RALA: variants seen among roughly 807,000 people sequenced by gnomAD.
RALA encodes RAS like proto-oncogene A.
RALA carries 5 observed loss-of-function variants against 24.0 expected under a neutral mutation model. That is an observed-to-expected ratio of 0.21 (90% confidence interval 0.11 to 0.44). The LOEUF (loss-of-function observed/expected upper bound fraction) is 0.44. RALA is among the 20% of genes least tolerant of loss of function. The probability of loss-of-function intolerance (pLI) is 0.99; values close to 1 mark genes in which losing one functional copy is unlikely to be tolerated. For missense variants in RALA, 95 were observed against 241.2 expected, an observed-to-expected ratio of 0.39 and a Z score of 4.01; for synonymous variants, 77 against 83.8, an observed-to-expected ratio of 0.92 and a Z score of 0.44.
At chr7:39,705,882 G>GT (rs1720865354) in intron 4 of RALA, among the ~76,000 whole-genome samples, 1 of 151,962 alleles carries the variant, frequency 6.6e-6, no homozygotes, top group South Asian at 2.1e-4. Context: ...GAAAGATCAG[G>GT]TTTTATTACA....
At chr7:39,639,886 T>G (rs1791750865) in intron 1 of RALA, among the ~76,000 whole-genome samples, 1 of 152,190 alleles carries the variant, frequency 6.6e-6, no homozygotes, top group East Asian at 1.9e-4. Context: ...TGTGAACCTC[T>G]TATGCACATC....
intron 1 of RALA, among the ~76,000 whole-genome samples, chr7:39,675,979 G>A (rs1273158608): frequency 2.0e-5 from 3 of 151,872 alleles, no homozygotes; most frequent in African/African-American, 4.8e-5. Flanking sequence ...ATGATCATAA[G>A]TCTTTTTATT....
chr7:39,669,594 T>C (rs921853163), intron 1 of RALA, among the ~76,000 whole-genome samples: 1 of 152,102 alleles, frequency 6.6e-6, no homozygotes, highest in Non-Finnish European at 1.5e-5. Flanking sequence ...AGAAGTTCAC[T>C]TGAGGCCAGG....
rs1259691046 is a variant in RALA, at chr7:39,682,645, CT to C, written c.-37-3977del. 4.0e-5 allele frequency among the ~76,000 whole-genome samples: 6 copies of C among 151,840 alleles called. No homozygotes were observed. In the East Asian group the frequency reaches 7.7e-4, roughly 20 times the overall value. ...GTCCTGCAAATTTCATGTGTTGGCACTTTTTTTTTCTTTCTAAGACGGAGTC... is the reference window on the plus strand; with the variant it reads ...GTCCTGCAAATTTCATGTGTTGGCACTTTTTTTTCTTTCTAAGACGGAGTC... On this transcript the variant is annotated intron_variant, in intron 1 of 4. Transcript: ENST00000005257.
At chr7:39,700,010 A>G (rs1287278259) in intron 4 of RALA, among the ~76,000 whole-genome samples, 2 of 152,054 alleles carry the variant, frequency 1.3e-5, no homozygotes, top group Admixed American at 1.3e-4. Flanking sequence ...TTTTGCATCC[A>G]TGTGTTCTGC....
intron 1 of RALA, among the ~76,000 whole-genome samples, chr7:39,629,170 G>A (rs1791548970): frequency 6.6e-6 from 1 of 152,166 alleles, no homozygotes; most frequent in Admixed American, 6.5e-5. Context: ...TCCTCATCCT[G>A]TGGGGTTATA....
intron 1 of RALA, among the ~76,000 whole-genome samples, chr7:39,636,375 T>G (rs1245791103): frequency 3.9e-5 from 6 of 152,216 alleles, no homozygotes; most frequent in African/African-American, 1.4e-4. Flanking sequence ...CAGTTGTTAT[T>G]GTCTTATCTT....
chr7:39,664,429 G>C (rs1792250925), intron 1 of RALA, among the ~76,000 whole-genome samples: 1 of 152,130 alleles, frequency 6.6e-6, no homozygotes, highest in Non-Finnish European at 1.5e-5. Flanking sequence ...TTTGATATTG[G>C]ATAATGCCCC....
intron 1 of RALA, among the ~76,000 whole-genome samples, chr7:39,649,237 T>C (rs1373718564): frequency 6.6e-6 from 1 of 152,156 alleles, no homozygotes; most frequent in Non-Finnish European, 1.5e-5. Context: ...ACAACTAGTT[T>C]TATGTGTTAA....
chr7:39,672,461 C>T (rs1792405784), intron 1 of RALA, among the ~76,000 whole-genome samples: 1 of 152,104 alleles, frequency 6.6e-6, no homozygotes, highest in Non-Finnish European at 1.5e-5. Context: ...AAAGGTACAG[C>T]CACTTTGAAA....
At chr7:39,694,715 A>C (rs1583756014) in intron 3 of RALA, among the ~76,000 whole-genome samples, 1 of 152,034 alleles carries the variant, frequency 6.6e-6, no homozygotes, top group African/African-American at 2.4e-5. Flanking sequence ...AAAATAAGGC[A>C]AGAAGATTTT....
chr7:39,643,582 G>A (rs750257735), intron 1 of RALA, among the ~76,000 whole-genome samples: 5 of 152,166 alleles, frequency 3.3e-5, no homozygotes, highest in Admixed American at 6.5e-5. Context: ...TTAGCCAGGC[G>A]TGGTGGCTTA....
In RALA at chr7:39,706,437, A is replaced by G. The variant is rs1269933139; in HGVS notation, c.*192A>G. The G allele has an allele frequency of 1.5e-5, 8 of 541,826 alleles. No homozygotes were observed. The Admixed American group carries it at 3.1e-4, about 21-fold the overall frequency. 33.6% of individuals were successfully genotyped at this position (541,826 alleles called of 1,614,324 possible). A position where few individuals can be genotyped will look rare whatever the true frequency, so the allele number is the denominator to read the frequency against. Reference sequence around the variant, plus strand: ...AGAAATTAATATGGCTTCACCAAGAAGCAAAGTTCAACTTATTTCATAATT... The same window carrying G: ...AGAAATTAATATGGCTTCACCAAGAGGCAAAGTTCAACTTATTTCATAATT... On this transcript the variant is annotated 3_prime_UTR_variant, in exon 5 of 5. Coordinates refer to ENST00000005257, the MANE Select transcript of RALA (RefSeq NM_005402.4).
In RALA at chr7:39,705,497, G is replaced by A. The variant is rs991748605; in HGVS notation, c.499-626G>A. Reference sequence around the variant, plus strand: ...GAATTTCTTATTGAAATTTAACTTTGAATTGTTATACTCGTAATTTTCTTA... The same window carrying A: ...GAATTTCTTATTGAAATTTAACTTTAAATTGTTATACTCGTAATTTTCTTA... On this transcript the variant is annotated intron_variant, in intron 4 of 4. Coordinates refer to ENST00000005257, the MANE Select transcript of RALA (RefSeq NM_005402.4). Among the ~76,000 whole-genome samples the A allele has an allele frequency of 6.6e-5, 10 of 152,006 alleles. 1 individual carries two copies. The highest frequency in any genetic ancestry group is 1.5e-4 in the Non-Finnish European group (10 of 68,004).
Position 39,675,052 on chromosome 7 carries a change from C to T in RALA, c.-37-11579C>T, listed in dbSNP as rs143950168. 6.2e-3 allele frequency among the ~76,000 whole-genome samples: 945 copies of T among 152,264 alleles called. 8 individuals carry two copies. Among genetic ancestry groups the T allele is most frequent in the African/African-American group, 0.022 (905 of 41,542 alleles). ...TTTTGGCCAGGCTGCTCTCAAACTC[C>T]TTACCTCAGGTGCTCTGGCTGCCTT... On this transcript the variant is annotated intron_variant, in intron 1 of 4. Coordinates refer to ENST00000005257, the MANE Select transcript of RALA (RefSeq NM_005402.4).
intron 1 of RALA, among the ~76,000 whole-genome samples, chr7:39,656,030 GGC>G: frequency 2.0e-5 from 3 of 152,180 alleles, no homozygotes; most frequent in African/African-American, 7.2e-5. Flanking sequence ...TAAAAAGGCA[GGC>G]AGTATTTATC....
intron 1 of RALA, among the ~76,000 whole-genome samples, chr7:39,656,341 T>C (rs989402997): frequency 2.0e-5 from 3 of 152,226 alleles, no homozygotes; most frequent in Non-Finnish European, 2.9e-5. Flanking sequence ...TTTCTCAATT[T>C]AAAATCCTAT....
At chr7:39,626,283 C>T (rs1224494025) in intron 1 of RALA, among the ~76,000 whole-genome samples, 1 of 152,248 alleles carries the variant, frequency 6.6e-6, no homozygotes. Context: ...CACAACACTT[C>T]TGCAAGACAG....
At chr7:39,648,959 T>C (rs1422473618) in intron 1 of RALA, among the ~76,000 whole-genome samples, 1 of 152,042 alleles carries the variant, frequency 6.6e-6, no homozygotes, top group Non-Finnish European at 1.5e-5. Context: ...CTCAGGAGGC[T>C]TGAGGTGGGA....
Sources: allele counts gnomAD v4.1 joint callset (sites outside exome capture counted in the v4.1 genomes callset), GRCh38; gene constraint gnomAD v4.1.1; transcripts MANE v1.5; gene names NCBI Gene and HGNC (gene_info 2026-07-23, HGNC 2026-07-21).